The following DIS3L2 variants were observed in gnomAD, a reference collection of about 807,000 sequenced individuals.
The protein encoded by DIS3L2 is DIS3 like 3'-5' exoribonuclease 2.
Under a neutral mutation model 97.5 loss-of-function variants are expected in DIS3L2, and 34 were observed. That is an observed-to-expected ratio of 0.35 (90% CI 0.27 to 0.46). The LOEUF is 0.46. DIS3L2 is among the 20% of genes least tolerant of loss of function. The probability of loss-of-function intolerance (pLI) is 1.00; values close to 1 mark genes in which losing one functional copy is unlikely to be tolerated. For synonymous variants in DIS3L2, 435 were observed against 445.2 expected, an observed-to-expected ratio of 0.98 and a Z score of 0.29; for missense variants, 1,038 against 1,146.0, an observed-to-expected ratio of 0.91 and a Z score of 1.36.
chr2:232,145,006 T>A (rs1361874835), intron 8 of DIS3L2, among the ~76,000 whole-genome samples: 2 of 152,212 alleles, frequency 1.3e-5, no homozygotes, highest in Non-Finnish European at 2.9e-5. Flanking sequence ...CTGCCATGAT[T>A]CCTAACTTAC....
intron 16 of DIS3L2, among the ~76,000 whole-genome samples, chr2:232,330,993 G>C (rs553877692): frequency 7.3e-6 from 1 of 137,360 alleles, no homozygotes; most frequent in African/African-American, 2.7e-5. Flanking sequence ...AGTTTGAGCC[G>C]CTGTCTCCTG....
chr2:232,183,979 G>C (rs147900998), intron 9 of DIS3L2, among the ~76,000 whole-genome samples: 1 of 152,160 alleles, frequency 6.6e-6, no homozygotes, highest in African/African-American at 2.4e-5. Flanking sequence ...TTTAAGGCTG[G>C]AGAGAGAGAT....
intron 5 of DIS3L2, among the ~76,000 whole-genome samples, chr2:232,058,265 A>G (rs72989636): frequency 0.015 from 2,222 of 152,310 alleles, 23 homozygotes; most frequent in Non-Finnish European, 0.021. Flanking sequence ...ATGAAACTGG[A>G]ATGTGCCTCA....
In DIS3L2 at chr2:232,336,828, C is replaced by G. The variant is rs530010456; in HGVS notation, c.*198C>G. 1.4e-6 allele frequency: 2 copies of G among 1,412,092 alleles called. No individual in the cohort carries two copies. The highest frequency in any genetic ancestry group is 1.8e-6 in the Non-Finnish European group (2 of 1,088,076). 87.5% of individuals were successfully genotyped at this position (1,412,092 alleles called of 1,614,324 possible). A position where few individuals can be genotyped will look rare whatever the true frequency, so the allele number is the denominator to read the frequency against. ...GTGGGGCTGGAAGGAAGGCTGAGGC[C>G]TGGTCAGCAGTGACCCCAGCAGAGC... On this transcript the variant is annotated 3_prime_UTR_variant, in exon 21 of 21. Coordinates refer to ENST00000325385, the MANE Select transcript of DIS3L2 (RefSeq NM_152383.5).
At chr2:232,027,554 A>G (rs1399194903) in intron 4 of DIS3L2, among the ~76,000 whole-genome samples, 1 of 152,214 alleles carries the variant, frequency 6.6e-6, no homozygotes, top group Admixed American at 6.5e-5. Flanking sequence ...TGTTTAAACT[A>G]TTTAGGTTTG....
intron 6 of DIS3L2, among the ~76,000 whole-genome samples, chr2:232,112,468 A>C (rs115583867): frequency 2.9e-4 from 44 of 152,258 alleles, no homozygotes; most frequent in African/African-American, 1.0e-3. Context: ...AGAGACCATA[A>C]CAGATGTGCT....
chr2:232,141,170 T>A (rs992150185), intron 8 of DIS3L2, among the ~76,000 whole-genome samples: 1 of 151,896 alleles, frequency 6.6e-6, no homozygotes, highest in Admixed American at 6.6e-5. Flanking sequence ...CTATATTTTC[T>A]CAGCCCTTTG....
downstream of DIS3L2, among the ~76,000 whole-genome samples, chr2:232,340,269 C>T (rs1395053886): frequency 6.6e-6 from 1 of 152,148 alleles, no homozygotes; most frequent in Non-Finnish European, 1.5e-5. Flanking sequence ...AAAGGCGACT[C>T]CAAAGCCAGC....
At chr2:232,331,404 A>G (rs1695732589) in intron 16 of DIS3L2, among the ~76,000 whole-genome samples, 1 of 152,202 alleles carries the variant, frequency 6.6e-6, no homozygotes, top group Admixed American at 6.5e-5. Flanking sequence ...ACCCCGGCCC[A>G]GGGGCAGAGA....
intron 1 of DIS3L2, among the ~76,000 whole-genome samples, chr2:232,009,943 G>A (rs1157774659): frequency 3.9e-5 from 6 of 152,120 alleles, no homozygotes; most frequent in Admixed American, 3.9e-4. Context: ...TATGGGCATG[G>A]AATTCTTCTC....
chr2:232,318,801 G>T (rs990087054), intron 14 of DIS3L2, among the ~76,000 whole-genome samples: 1 of 152,194 alleles, frequency 6.6e-6, no homozygotes, highest in South Asian at 2.1e-4. Context: ...AGAGCAGAGA[G>T]CCGCCTCACC....
chr2:232,136,386 T>C (rs1323252801), intron 7 of DIS3L2, 86 bp from the exon 8 acceptor site: 1 of 1,530,986 alleles, frequency 6.5e-7, no homozygotes. Context: ...TCCTGCTAGT[T>C]GATCAAATTA....
intron 1 of DIS3L2, among the ~76,000 whole-genome samples, chr2:231,991,487 C>T (rs962201913): frequency 6.6e-6 from 1 of 152,090 alleles, no homozygotes; most frequent in Non-Finnish European, 1.5e-5. Context: ...CCAGGCTGGT[C>T]TTAAACTGCT....
chr2:232,325,350 G>C lies in DIS3L2; in HGVS notation c.1740-4463G>C, dbSNP rs140081556. Reference sequence around the variant, plus strand: ...TTGCTTTTTCTTTAGAGGAACGTTTGTGCACTGTGGGAACCTCTGTCTCTA... The same window carrying C: ...TTGCTTTTTCTTTAGAGGAACGTTTCTGCACTGTGGGAACCTCTGTCTCTA... On this transcript the variant is annotated intron_variant, in intron 14 of 20. Transcript: ENST00000325385. This position sits in a 1 kb window ranked among gnomAD's most constrained non-coding sequence, Gnocchi z 4.6. Among the ~76,000 whole-genome samples, 1,218 of 152,308 alleles carry C rather than the reference G, an allele frequency of 8.0e-3. 26 individuals are homozygous for C. The highest frequency in any genetic ancestry group is 0.027 in the African/African-American group (1,139 of 41,552).
intron 1 of DIS3L2, among the ~76,000 whole-genome samples, chr2:231,967,879 AT>A (rs918930718): frequency 9.2e-5 from 14 of 152,070 alleles, no homozygotes; most frequent in African/African-American, 2.9e-4. Flanking sequence ...TTAAGACCAT[AT>A]TTTTTTGATT....
chr2:232,100,356 G>C (rs1216331922), intron 6 of DIS3L2, among the ~76,000 whole-genome samples: 3 of 151,612 alleles, frequency 2.0e-5, no homozygotes, highest in Non-Finnish European at 4.4e-5. Context: ...CTCTATTGTT[G>C]ATGTTTTGTG....
intron 14 of DIS3L2, among the ~76,000 whole-genome samples, chr2:232,326,231 G>C (rs1695568957): frequency 6.6e-6 from 1 of 152,162 alleles, no homozygotes; most frequent in African/African-American, 2.4e-5. Flanking sequence ...AATTGACAGG[G>C]TGGGGGACTG....
Position 232,014,932 on chromosome 2 carries a change from G to A in DIS3L2, c.5G>A (p.Ser2Asn), listed in dbSNP as rs1433105980. 1.9e-6 allele frequency: 3 copies of A among 1,613,970 alleles called. No homozygotes were observed. The South Asian group carries it at 3.3e-5, about 18-fold the overall frequency. The stretch of plus-strand genomic sequence containing the variant: ...AGAGTGACCTTGGAGCCAATAATGA[G>A]CCATCCTGACTACAGAATGAACCTC... M[S>N]HPDYRMNLRP... The change falls in exon 2 of 21, where the codon AGC (serine) becomes AAC (asparagine). Residue 2 changes from serine (S) to asparagine (N), a missense_variant. By Grantham distance (46) the Ser-to-Asn change is conservative. This residue lies in a region of DIS3L2 where 813 missense variants were observed against 880.1 expected (regional missense o/e 0.92). Coordinates refer to ENST00000325385, the MANE Select transcript of DIS3L2 (RefSeq NM_152383.5).
intron 9 of DIS3L2, among the ~76,000 whole-genome samples, chr2:232,203,156 GT>G (rs1691942789): frequency 6.6e-6 from 1 of 152,184 alleles, no homozygotes. Context: ...CTAAGAAAGT[GT>G]TGGACTGAAA....
Sources: gnomAD v4.1 joint callset for allele counts (sites outside exome capture counted in the v4.1 genomes callset) on GRCh38, gnomAD v4.1.1 for gene constraint, gnomAD v4.1.1 regional missense constraint, Gnocchi (gnomAD v3.1) non-coding constraint, MANE v1.5 for transcripts, NCBI Gene and HGNC (gene_info 2026-07-23, HGNC 2026-07-21) for gene names.